The following USP34 variants were observed in gnomAD, a reference collection of about 807,000 sequenced individuals.
USP34 encodes ubiquitin specific peptidase 34.
Under a neutral mutation model 460.3 loss-of-function variants are expected in USP34, and 70 were observed. The observed-to-expected ratio is 0.15, with a 90% CI of 0.13 to 0.19. The LOEUF is 0.19. Ranked by LOEUF, USP34 falls within the 10% of genes least tolerant of loss-of-function variation. The probability of loss-of-function intolerance (pLI) is 1.00; values close to 1 mark genes in which losing one functional copy is unlikely to be tolerated. For missense variants in USP34, 3,985 were observed against 4,236.2 expected, an observed-to-expected ratio of 0.94 and a Z score of 1.65; for synonymous variants, 1,647 against 1,405.3, an observed-to-expected ratio of 1.17 and a Z score of -3.85.
intron 27 of USP34, among the ~76,000 whole-genome samples, chr2:61,311,112 T>C (rs1192378654): frequency 6.6e-6 from 1 of 152,208 alleles, no homozygotes; most frequent in East Asian, 1.9e-4. Flanking sequence ...TTGAATTTTT[T>C]TGTTCTCTCT....
At chr2:61,354,609 G>A (rs1016980881) in intron 10 of USP34, among the ~76,000 whole-genome samples, 4 of 152,176 alleles carry the variant, frequency 2.6e-5, no homozygotes, top group Non-Finnish European at 4.4e-5. Context: ...TTAGCACTGG[G>A]GCAGCCAGGG....
intron 22 of USP34, 92 bp downstream of exon 22, chr2:61,319,081 T>C: frequency 8.1e-7 from 1 of 1,232,856 alleles, no homozygotes; most frequent in African/African-American, 1.6e-5. Flanking sequence ...AAAAAAACTG[T>C]CAAAAAAAAA....
intron 8 of USP34, among the ~76,000 whole-genome samples, chr2:61,376,284 T>A (rs569855715): frequency 6.6e-6 from 1 of 151,966 alleles, no homozygotes; most frequent in East Asian, 1.9e-4. Context: ...TTTTTCTGTT[T>A]ACTCCAATTT....
In USP34 at chr2:61,311,824, G is replaced by A. The variant is rs766379285; in HGVS notation, c.3629C>T (p.Pro1210Leu). Residue 1210 changes from proline to leucine, a missense_variant, in exon 26 of 80, where the codon CCG becomes CTG. Pro to Leu is a moderately conservative substitution (Grantham distance 98, BLOSUM62 -3). Transcript: ENST00000398571. Reference protein sequence around the residue: ...LKALSDKQSLPLRVVCQPAGL... With the variant: ...LKALSDKQSLLLRVVCQPAGL... ...AGCTGGCTGGCATACAACCCTTAGC[G>A]GCAGAGACTGTTTGTCACTCAGTGC... is the stretch of plus-strand genomic sequence containing the variant. 3.6e-5 allele frequency: 58 copies of A among 1,613,846 alleles called. No individual in the cohort carries two copies. The Middle Eastern group carries it at 6.6e-4, about 18-fold the overall frequency.
Position 61,434,468 on chromosome 2 carries a change from TA to T in USP34, c.44-13636del, listed in dbSNP as rs537814671. 1.3e-4 allele frequency among the ~76,000 whole-genome samples: 20 copies of T among 152,072 alleles called. 1 individual carries two copies. The highest frequency in any genetic ancestry group is 4.6e-4 in the African/African-American group (19 of 41,474). ...CACATGCCTGTGCTCCTGGCCAGAG[TA>T]ACAGTCCTGTGGCTTCAACCCCAGC... On this transcript the variant is annotated intron_variant, in intron 1 of 79. Transcript: ENST00000398571.
intron 44 of USP34, among the ~76,000 whole-genome samples, chr2:61,258,661 G>A (rs1389293963): frequency 6.6e-6 from 1 of 152,100 alleles, no homozygotes; most frequent in Non-Finnish European, 1.5e-5. Context: ...AAACCCAGAG[G>A]GTGTGTGCCA....
chr2:61,210,525 T>C (rs897094892), intron 69 of USP34, among the ~76,000 whole-genome samples: 1 of 152,146 alleles, frequency 6.6e-6, no homozygotes, highest in Non-Finnish European at 1.5e-5. Flanking sequence ...AATGATGAAA[T>C]AGGCTAAAAA....
chr2:61,192,576 A>T (rs1239919832), intron 76 of USP34, among the ~76,000 whole-genome samples: 2 of 152,254 alleles, frequency 1.3e-5, no homozygotes, highest in South Asian at 4.1e-4. Flanking sequence ...GAGAGGAAGA[A>T]GTGGCAAGTG....
At chr2:61,470,505 C>T in intron 1 of USP34, 145 bp downstream of exon 1, 1 of 220,186 alleles carries the variant, frequency 4.5e-6, no homozygotes, top group Non-Finnish European at 8.4e-6. Flanking sequence ...GGCCGCGCCA[C>T]CGCGCACCTT....
At chr2:61,303,417 T>C (rs767234626) in intron 27 of USP34, among the ~76,000 whole-genome samples, 24 of 152,136 alleles carry the variant, frequency 1.6e-4, no homozygotes, top group Non-Finnish European at 3.1e-4. Context: ...TTTAGTGTCC[T>C]ATTCATCATG....
intron 72 of USP34, among the ~76,000 whole-genome samples, chr2:61,205,141 T>G (rs1407015587): frequency 6.6e-6 from 1 of 152,222 alleles, no homozygotes; most frequent in East Asian, 1.9e-4. Context: ...ATTACAGGCA[T>G]GAGCCAGCCC....
intron 1 of USP34, among the ~76,000 whole-genome samples, chr2:61,423,117 T>C (rs745544466): frequency 6.6e-5 from 10 of 152,218 alleles, no homozygotes; most frequent in Non-Finnish European, 1.5e-4. Context: ...TTTGTCTTTT[T>C]AAATTTTTGG....
chr2:61,314,906 A>G lies in USP34; in HGVS notation c.3351T>C (p.Ala1117=). 1 of 1,613,928 alleles carries G rather than the reference A, an allele frequency of 6.2e-7. No individual in the cohort carries two copies. ...RAQSGDVSRA[A]IQYINSYYIN... is the part of the protein sequence containing the mutation. Reference sequence around the variant, plus strand: ...TATAATAGGAGTTAATATACTGGATAGCTGCTCGACTGACATCACCAGATT... The same window carrying G: ...TATAATAGGAGTTAATATACTGGATGGCTGCTCGACTGACATCACCAGATT... Residue 1117 remains alanine, a synonymous_variant, in exon 24 of 80, where the codon GCT becomes GCC. Coordinates refer to ENST00000398571, the MANE Select transcript of USP34 (RefSeq NM_014709.4).
chr2:61,227,836 G>A (rs527670028), intron 61 of USP34, among the ~76,000 whole-genome samples: 45 of 152,048 alleles, frequency 3.0e-4, no homozygotes, highest in African/African-American at 9.6e-4. Flanking sequence ...GACAAGTCAC[G>A]ATAAAAATTG....
At chr2:61,343,452 G>A (rs910042372) in intron 16 of USP34, among the ~76,000 whole-genome samples, 1 of 152,024 alleles carries the variant, frequency 6.6e-6, no homozygotes. Context: ...CATATAAATG[G>A]AATCATACAA....
intron 3 of USP34, among the ~76,000 whole-genome samples, chr2:61,398,462 G>GAGAAGCGGGGGAAGGAGGC: frequency 3.5e-5 from 4 of 114,620 alleles, no homozygotes; most frequent in Non-Finnish European, 7.4e-5. Context: ...GGGAAGGACG[G>GAGAAGCGGGGGAAGGAGGC]AGAAGCGGGG....
At position 61,246,345 on chromosome 2, in the gene USP34, T is replaced by C; in HGVS notation, c.6527A>G (p.His2176Arg). 2 of 1,578,004 alleles carry C rather than the reference T, an allele frequency of 1.3e-6. No individual in the cohort carries two copies. The highest frequency in any genetic ancestry group is 1.2e-5 in the South Asian group (1 of 83,588). ...TCACCATTTATTGTTTTTATAAGCA[T>C]GGGGATTTACTATATCTCTGATAAA... The part of the protein sequence containing the change: ...YSFIRDIVNP[H>R]AYKNNKWYLF... Residue 2176 changes from histidine (H) to arginine (R), a missense_variant, in exon 50 of 80, where the codon CAT becomes CGT. His to Arg is a conservative substitution (Grantham distance 29). Transcript: ENST00000398571.
intron 2 of USP34, among the ~76,000 whole-genome samples, chr2:61,420,508 G>A (rs1424092955): frequency 6.6e-6 from 1 of 152,044 alleles, no homozygotes; most frequent in Non-Finnish European, 1.5e-5. Context: ...GAATTTCTGT[G>A]ACTCTCATAT....
chr2:61,454,731 G>T (rs1181583287), intron 1 of USP34, among the ~76,000 whole-genome samples: 1 of 150,378 alleles, frequency 6.6e-6, no homozygotes, highest in Non-Finnish European at 1.5e-5. Flanking sequence ...TTTATTTTTA[G>T]TAGACATGGG....
Sources: allele counts gnomAD v4.1 joint callset (sites outside exome capture counted in the v4.1 genomes callset), GRCh38; gene constraint gnomAD v4.1.1; transcripts MANE v1.5; gene names NCBI Gene and HGNC (gene_info 2026-07-23, HGNC 2026-07-21).